The following SEC24A variants were observed in gnomAD, a reference collection of about 807,000 sequenced individuals.
SEC24A encodes protein transport protein Sec24A.
In SEC24A, 93 loss-of-function variants were observed where a neutral mutation model predicts 129.4. The observed-to-expected ratio is 0.72, with a 90% CI of 0.61 to 0.85. The LOEUF is 0.85. Among genes scored for constraint, SEC24A ranks in the 40% least tolerant of loss-of-function variants. The probability of loss-of-function intolerance (pLI) is 0.00; values close to 1 mark genes in which losing one functional copy is unlikely to be tolerated. For missense variants in SEC24A, 1,264 were observed against 1,307.4 expected, an observed-to-expected ratio of 0.97 and a Z score of 0.51; for synonymous variants, 460 against 467.3, an observed-to-expected ratio of 0.98 and a Z score of 0.20.
At chr5:134,674,444 G>A (rs1580698101) in intron 4 of SEC24A, among the ~76,000 whole-genome samples, 171 bp from the exon 5 acceptor site, 1 of 152,274 alleles carries the variant, frequency 6.6e-6, no homozygotes, top group African/African-American at 2.4e-5. Flanking sequence ...GGCTGACACA[G>A]GAGGATCACT....
intron 6 of SEC24A, 90 bp downstream of exon 6, chr5:134,675,307 A>T (rs1751021874): frequency 3.2e-6 from 3 of 946,566 alleles, no homozygotes; most frequent in Non-Finnish European, 4.7e-6. Context: ...AAGCTGTACA[A>T]ATTATTAATT....
intron 9 of SEC24A, among the ~76,000 whole-genome samples, chr5:134,684,028 G>T (rs1275681054): frequency 6.6e-6 from 1 of 152,060 alleles, no homozygotes; most frequent in Non-Finnish European, 1.5e-5. Context: ...ATTTTGGCTG[G>T]GCACAGTGCC....
At chr5:134,656,083 C>CTTTTT (rs70976549) in intron 1 of SEC24A, among the ~76,000 whole-genome samples, 1 of 138,730 alleles carries the variant, frequency 7.2e-6, no homozygotes, top group Non-Finnish European at 1.5e-5. Flanking sequence ...AGCTAAATAT[C>CTTTTT]TTTTTTTTTT....
rs1337605520 is a variant in SEC24A, at chr5:134,715,081, C to A, written c.2785C>A (p.Gln929Lys). ...RLDERIFAMCQVKNQPLVYLM... is the reference protein window; with the variant it reads ...RLDERIFAMCKVKNQPLVYLM... ...AGATGAACGCATTTTTGCTATGTGT[C>A]AAGTGAAAAACCAGCCCTTGGTTTA... Residue 929 changes from glutamine to lysine, a missense_variant, in exon 19 of 23, where the codon CAA (glutamine) becomes AAA (lysine). Transcript: ENST00000398844. 6.2e-7 allele frequency: 1 copy of A among 1,612,180 alleles called. No homozygotes were observed. Among genetic ancestry groups the A allele is most frequent in the Non-Finnish European group, 8.5e-7 (1 of 1,179,520 alleles).
chr5:134,696,471 GA>G (rs947623223), intron 13 of SEC24A, among the ~76,000 whole-genome samples: 3 of 151,544 alleles, frequency 2.0e-5, no homozygotes, highest in African/African-American at 4.8e-5. Flanking sequence ...AAAATAAAGG[GA>G]AAAAAACCTA....
At chr5:134,656,552 G>A (rs921424820) in intron 1 of SEC24A, among the ~76,000 whole-genome samples, 3 of 151,976 alleles carry the variant, frequency 2.0e-5, no homozygotes, top group Non-Finnish European at 2.9e-5. Context: ...CACGATATCC[G>A]CTCATTGCAA....
At chr5:134,651,978 G>A (rs1269055548) in intron 1 of SEC24A, among the ~76,000 whole-genome samples, 1 of 150,014 alleles carries the variant, frequency 6.7e-6, no homozygotes, top group African/African-American at 2.5e-5. Context: ...TGTTGCCCAG[G>A]CTAGAGTGCA....
At chr5:134,705,468 A>T in intron 17 of SEC24A, 31 bp downstream of exon 17, 1 of 1,343,340 alleles carries the variant, frequency 7.4e-7, no homozygotes, top group Non-Finnish European at 1.1e-6. Flanking sequence ...TAAATATCTT[A>T]CAAGTAATAA....
At position 134,706,362 on chromosome 5, in the gene SEC24A, T is replaced by C. The variant is rs75410035; in HGVS notation, c.2551+925T>C. 3.9e-5 allele frequency among the ~76,000 whole-genome samples: 6 copies of C among 152,344 alleles called. No homozygotes were observed. In the East Asian group the frequency reaches 1.2e-3, roughly 29 times the overall value. Reference sequence around the variant, plus strand: ...TGAGCCAATAGGAAACTTACTGATATCTTCACGTATTTATTTCCATCTCAG... The same window carrying C: ...TGAGCCAATAGGAAACTTACTGATACCTTCACGTATTTATTTCCATCTCAG... On this transcript the variant is annotated intron_variant, in intron 17 of 22. Coordinates refer to ENST00000398844, the MANE Select transcript of SEC24A (RefSeq NM_021982.3).
At chr5:134,690,437 T>TC (rs1417473241) in intron 11 of SEC24A, among the ~76,000 whole-genome samples, 1 of 151,832 alleles carries the variant, frequency 6.6e-6, no homozygotes, top group Non-Finnish European at 1.5e-5. Context: ...CCTCGGCTTT[T>TC]CAAGTAGCTG....
intron 21 of SEC24A, among the ~76,000 whole-genome samples, chr5:134,723,186 C>G (rs1265188281): frequency 1.3e-5 from 2 of 151,984 alleles, no homozygotes; most frequent in Admixed American, 1.3e-4. Flanking sequence ...GAGAAGTAGA[C>G]CGGGCACTGT....
In SEC24A at chr5:134,723,618, A is replaced by T. The variant is rs377119395; in HGVS notation, c.3115A>T (p.Ile1039Phe). The T allele has an allele frequency of 6.2e-7, 1 of 1,613,534 alleles. No individual in the cohort carries two copies. The highest frequency in any genetic ancestry group is 8.5e-7 in the Non-Finnish European group (1 of 1,179,632). The change falls in exon 22 of 23, where the codon ATC becomes TTC. Residue 1039 changes from isoleucine (I) to phenylalanine (F), a missense_variant. Physicochemically the swap from Ile to Phe is conservative, Grantham distance 21. Transcript: ENST00000398844. Reference protein sequence around the residue: ...TPESARIIAFISWLREQRPFF... With the variant: ...TPESARIIAFFSWLREQRPFF... ...AGAATCTGCCAGAATAATAGCTTTC[A>T]TCTCTTGGCTTAGAGAGCAGAGACC...
intron 4 of SEC24A, 128 bp from the exon 5 acceptor site, chr5:134,674,487 T>C (rs1750981806): frequency 4.2e-6 from 3 of 714,212 alleles, no homozygotes; most frequent in Non-Finnish European, 6.7e-6. Context: ...CAGTGAGGTG[T>C]GATTGCACCA....
chr5:134,693,451 G>C lies in SEC24A; in HGVS notation c.1780-276G>C. ...TTAAAATACATCAAATCTCTAAACT[G>C]TGATGGTTCTTTTGGATACATTTTG... is the stretch of plus-strand genomic sequence containing the variant. On this transcript the variant is annotated intron_variant, in intron 12 of 22. Coordinates refer to ENST00000398844, the MANE Select transcript of SEC24A (RefSeq NM_021982.3). 4.4e-6 allele frequency: 6 copies of C among 1,374,470 alleles called. No homozygotes were observed. The South Asian group carries it at 8.4e-5, about 19-fold the overall frequency. The allele number at this position is 1,374,470 out of a possible 1,614,324, so 85.1% of individuals were successfully genotyped here. A position where few individuals can be genotyped will look rare whatever the true frequency, so the allele number is the denominator to read the frequency against.
intron 17 of SEC24A, 118 bp downstream of exon 17, chr5:134,705,555 T>C: frequency 1.8e-6 from 1 of 568,852 alleles, no homozygotes; most frequent in Non-Finnish European, 3.1e-6. Flanking sequence ...ATCCCCTGGG[T>C]GCCTGCTAAG....
chr5:134,723,670 G>A lies in SEC24A; in HGVS notation c.3167G>A (p.Arg1056Lys). The A allele has an allele frequency of 6.4e-7, 1 of 1,565,608 alleles. No individual in the cohort carries two copies. Among genetic ancestry groups the A allele is most frequent in the Non-Finnish European group, 8.8e-7 (1 of 1,137,110 alleles). ...TTTTTCCCAATACTTTATGTAATAA[G>A]GTAAGTTGAATTTTCCATTTGCTAG... ...RPFFPILYVIRDESPMKANFL... is the reference protein window; with the variant it reads ...RPFFPILYVIKDESPMKANFL... Residue 1056 changes from arginine to lysine, a missense_variant and splice_region_variant, in exon 22 of 23, where the codon AGG (arginine) becomes AAG (lysine). Arg to Lys is a conservative substitution (Grantham distance 26, BLOSUM62 2). Transcript: ENST00000398844.
chr5:134,675,956 CT>C, intron 6 of SEC24A, 66 bp from the exon 7 acceptor site: 1 of 1,115,326 alleles, frequency 9.0e-7, no homozygotes, highest in East Asian at 2.5e-5. Flanking sequence ...CCTTTTAAAT[CT>C]TTGTTGTTGT....
intron 18 of SEC24A, among the ~76,000 whole-genome samples, chr5:134,711,919 T>G (rs2150109583): frequency 6.6e-6 from 1 of 152,214 alleles, no homozygotes; most frequent in African/African-American, 2.4e-5. Context: ...GGCTAATTTT[T>G]TGTATTTTTA....
chr5:134,717,381 C>T lies in SEC24A; in HGVS notation c.2866-688C>T, dbSNP rs186265985. On this transcript the variant is annotated intron_variant, in intron 19 of 22. Coordinates refer to ENST00000398844, the MANE Select transcript of SEC24A (RefSeq NM_021982.3). ...AATTAGCCGGGCATGGTGGCGCATG[C>T]CTGTAATCCCAGCTACTCGGGAGGC... 1.4e-3 allele frequency among the ~76,000 whole-genome samples: 216 copies of T among 151,938 alleles called. 7 individuals carry two copies. In the East Asian group the frequency reaches 0.032, roughly 22 times the overall value.
Sources: gnomAD v4.1 joint callset for allele counts (sites outside exome capture counted in the v4.1 genomes callset) on GRCh38, gnomAD v4.1.1 for gene constraint, MANE v1.5 for transcripts, NCBI Gene and HGNC (gene_info 2026-07-23, HGNC 2026-07-21) for gene names.